Variants in ADAMTSL1 observed in about 807,000 individuals in gnomAD.
ADAMTSL1 encodes ADAMTS-like protein 1.
A neutral mutation model predicts 201.8 loss-of-function variants in ADAMTSL1; 126 were observed. That is an observed-to-expected ratio of 0.62 (90% CI 0.54 to 0.72). ADAMTSL1 has a LOEUF of 0.72. ADAMTSL1 is among the 30% of genes least tolerant of loss of function. The pLI is 0.00. For missense variants in ADAMTSL1, 2,679 were observed against 2,277.8 expected, an observed-to-expected ratio of 1.18 and a Z score of -3.59; for synonymous variants, 1,121 against 903.4, an observed-to-expected ratio of 1.24 and a Z score of -4.32.
At chr9:17,950,441 C>G (rs1269752397) in intron 1 of ADAMTSL1, among the ~76,000 whole-genome samples, 1 of 151,866 alleles carries the variant, frequency 6.6e-6, no homozygotes, top group African/African-American at 2.4e-5. Flanking sequence ...GAAATTTCTA[C>G]TGTGAATTTC....
At chr9:18,804,361 A>G (rs541872194) in intron 20 of ADAMTSL1, among the ~76,000 whole-genome samples, 1 of 152,304 alleles carries the variant, frequency 6.6e-6, no homozygotes, top group South Asian at 2.1e-4. Flanking sequence ...AGAGCTGACT[A>G]TTGGTCAAAT....
intron 23 of ADAMTSL1, among the ~76,000 whole-genome samples, chr9:18,859,687 A>T (rs1282882595): frequency 6.6e-6 from 1 of 152,240 alleles, no homozygotes; most frequent in East Asian, 1.9e-4. Context: ...TACTTCAGTC[A>T]TGTAACCTAG....
chr9:18,770,543 G>T (rs776810281), intron 16 of ADAMTSL1, 59 bp from the exon 17 acceptor site: 8 of 1,498,878 alleles, frequency 5.3e-6, no homozygotes, highest in Non-Finnish European at 7.2e-6. Context: ...AGAATTAGCA[G>T]TCAGACTGCC....
chr9:18,784,226 C>T (rs140527320), intron 19 of ADAMTSL1, among the ~76,000 whole-genome samples: 3 of 152,274 alleles, frequency 2.0e-5, no homozygotes, highest in Admixed American at 1.3e-4. Flanking sequence ...CACATAGTAC[C>T]CTATGCATAA....
At chr9:18,687,952 G>T (rs1466952346) in intron 13 of ADAMTSL1, among the ~76,000 whole-genome samples, 3 of 152,060 alleles carry the variant, frequency 2.0e-5, no homozygotes, top group Non-Finnish European at 4.4e-5. Flanking sequence ...GGCTCACATG[G>T]TGGTAATATG....
chr9:18,037,063 C>A (rs1393457447), intron 1 of ADAMTSL1, among the ~76,000 whole-genome samples: 4 of 152,156 alleles, frequency 2.6e-5, no homozygotes, highest in African/African-American at 9.7e-5. Context: ...AATGCTAATT[C>A]ATGCTGATAT....
intron 1 of ADAMTSL1, among the ~76,000 whole-genome samples, chr9:17,990,478 C>G (rs939969473): frequency 1.5e-4 from 23 of 152,022 alleles, no homozygotes; most frequent in African/African-American, 5.1e-4. Flanking sequence ...TATTACTCCA[C>G]AATAGGAATC....
At chr9:18,462,834 G>A (rs1295449282) in intron 2 of ADAMTSL1, among the ~76,000 whole-genome samples, 1 of 152,038 alleles carries the variant, frequency 6.6e-6, no homozygotes, top group Non-Finnish European at 1.5e-5. Context: ...AGCTACTCGG[G>A]AGGCTGAGGC....
At chr9:18,831,836 T>C (rs1396926369) in intron 23 of ADAMTSL1, among the ~76,000 whole-genome samples, 1 of 152,040 alleles carries the variant, frequency 6.6e-6, no homozygotes, top group African/African-American at 2.4e-5. Flanking sequence ...CATGGAATTG[T>C]GGAGATGAAT....
At chr9:18,422,958 AG>A (rs1819030694) in intron 2 of ADAMTSL1, among the ~76,000 whole-genome samples, 1 of 152,204 alleles carries the variant, frequency 6.6e-6, no homozygotes. Context: ...TTAATTGCAG[AG>A]GCTTCTGGAA....
intron 2 of ADAMTSL1, among the ~76,000 whole-genome samples, chr9:18,444,819 A>C (rs1820126954): frequency 6.6e-6 from 1 of 152,174 alleles, no homozygotes; most frequent in Non-Finnish European, 1.5e-5. Flanking sequence ...CCTCCTATTT[A>C]TTAAAAGACA....
intron 21 of ADAMTSL1, 147 bp from the exon 22 acceptor site, chr9:18,826,137 T>A (rs1174816386): frequency 1.5e-5 from 13 of 886,066 alleles, no homozygotes; most frequent in East Asian, 1.1e-4. Flanking sequence ...CTCTGGACAT[T>A]ATTTAATCTG....
intron 2 of ADAMTSL1, among the ~76,000 whole-genome samples, chr9:18,447,376 G>T (rs1820231796): frequency 6.6e-6 from 1 of 152,168 alleles, no homozygotes; most frequent in Non-Finnish European, 1.5e-5. Context: ...GTAGAAAGGG[G>T]AAAGTGTTCA....
intron 3 of ADAMTSL1, among the ~76,000 whole-genome samples, chr9:18,535,551 A>G (rs964406199): frequency 7.2e-5 from 11 of 152,200 alleles, no homozygotes; most frequent in African/African-American, 2.7e-4. Flanking sequence ...ATTTTCAAGT[A>G]TCCTTATAGC....
At chr9:18,564,105 C>T (rs1821722281) in intron 3 of ADAMTSL1, among the ~76,000 whole-genome samples, 1 of 152,200 alleles carries the variant, frequency 6.6e-6, no homozygotes, top group Non-Finnish European at 1.5e-5. Flanking sequence ...TAAACGGCCG[C>T]CCAGTTTTGT....
intron 2 of ADAMTSL1, among the ~76,000 whole-genome samples, chr9:18,256,829 A>T (rs1256823949): frequency 6.6e-6 from 1 of 152,188 alleles, no homozygotes; most frequent in Non-Finnish European, 1.5e-5. Context: ...TTCCTTGGGA[A>T]TGTTTTCTTT....
intron 2 of ADAMTSL1, among the ~76,000 whole-genome samples, chr9:18,319,279 T>C (rs1159654625): frequency 6.6e-6 from 1 of 152,208 alleles, no homozygotes; most frequent in African/African-American, 2.4e-5. Context: ...ATGACAGAGC[T>C]AGATGTAAAC....
At chr9:18,240,738 C>T (rs1319618253) in intron 2 of ADAMTSL1, among the ~76,000 whole-genome samples, 5 of 152,166 alleles carry the variant, frequency 3.3e-5, no homozygotes, top group Admixed American at 6.5e-5. Context: ...GTTTCATCTA[C>T]GTTGAAAATC....
At chr9:18,237,279 C>T (rs1384854944) in intron 2 of ADAMTSL1, among the ~76,000 whole-genome samples, 2 of 152,192 alleles carry the variant, frequency 1.3e-5, no homozygotes, top group African/African-American at 2.4e-5. Flanking sequence ...GTAGTTGGCA[C>T]ATCTGTTTAC....
Sources: allele counts gnomAD v4.1 joint callset (sites outside exome capture counted in the v4.1 genomes callset), GRCh38; gene constraint gnomAD v4.1.1; transcripts MANE v1.5; gene names NCBI Gene and HGNC (gene_info 2026-07-23, HGNC 2026-07-21).